GRWD1: variants seen among roughly 807,000 people sequenced by gnomAD.
GRWD1 encodes the protein glutamate rich WD repeat containing 1.
Under a neutral mutation model 45.3 loss-of-function variants are expected in GRWD1, and 29 were observed. The observed-to-expected ratio is 0.64, with a 90% CI of 0.48 to 0.87. The LOEUF is 0.87. Ranked by LOEUF, GRWD1 falls within the 40% of genes least tolerant of loss-of-function variation. GRWD1 has a pLI of 0.00. For missense variants in GRWD1, 592 were observed against 618.8 expected (o/e 0.96, Z 0.46); for synonymous variants, 262 against 257.6 (o/e 1.02, Z -0.16).
chr19:48,451,252 C>G, intron 6 of GRWD1, 21 bp downstream of exon 6: 1 of 1,548,660 alleles, frequency 6.5e-7, no homozygotes, highest in Non-Finnish European at 8.7e-7. Context: ...AGCCGGACAC[C>G]TGGGGGCTAG....
At position 48,452,654 on chromosome 19, in the gene GRWD1, C is replaced by T. The variant is rs1244587222; in HGVS notation, c.1024-54C>T. 3 of 1,460,762 alleles carry T rather than the reference C, an allele frequency of 2.1e-6. No homozygotes were observed. The highest frequency in any genetic ancestry group is 2.8e-6 in the Non-Finnish European group (3 of 1,074,968). The allele number at this position is 1,460,762 out of a possible 1,614,324, so 90.5% of individuals were successfully genotyped here. A position where few individuals can be genotyped will look rare whatever the true frequency, so the allele number is the denominator to read the frequency against. Reference sequence around the variant, plus strand: ...GGTTGGGGCTTCTGCCTGGGTCCTCCCCAGAGTCAGGCTGAGGCATTCAGA... The same window carrying T: ...GGTTGGGGCTTCTGCCTGGGTCCTCTCCAGAGTCAGGCTGAGGCATTCAGA... On this transcript the variant is annotated intron_variant, in intron 6 of 6. Transcript: ENST00000253237. The surrounding 1 kb of genome is among the most constrained non-coding windows in gnomAD (Gnocchi z 5.1).
Position 48,446,166 on chromosome 19 carries a change from A to G in GRWD1, c.161A>G (p.Tyr54Cys), listed in dbSNP as rs1251754873. Residue 54 changes from tyrosine to cysteine, a missense_variant, in exon 1 of 7, where the codon TAT becomes TGT. By Grantham distance (194) the Tyr-to-Cys change is radical. Transcript: ENST00000253237. ...GEELVMDEEA[Y>C]VLYHRAQTGA... is the part of the protein sequence containing the mutation. Reference sequence around the variant, plus strand: ...GAGCTGGTCATGGACGAGGAGGCCTATGTGCTCTACCACCGAGCGCAGACT... The same window carrying G: ...GAGCTGGTCATGGACGAGGAGGCCTGTGTGCTCTACCACCGAGCGCAGACT... 1.2e-6 allele frequency: 2 copies of G among 1,606,024 alleles called. No individual in the cohort carries two copies. The highest frequency in any genetic ancestry group is 8.5e-7 in the Non-Finnish European group (1 of 1,177,840).
rs760867608 is a variant in GRWD1 at position 48,450,828 on chromosome 19, T to G, written c.825+20T>G. 9.3e-5 allele frequency: 150 copies of G among 1,606,942 alleles called. No homozygotes were observed. The highest frequency in any genetic ancestry group is 1.2e-4 in the Non-Finnish European group (142 of 1,176,106). On this transcript the variant is annotated intron_variant, in intron 5 of 6. Transcript: ENST00000253237. The surrounding 1 kb of genome is among the most constrained non-coding windows in gnomAD (Gnocchi z 5.1). ...AACACGGTGAGGGAGGGTGGGGTTC[T>G]GGTCGTTTAGTTCTGATGGATTCTA...
rs931493486 is a variant in GRWD1 at position 48,455,935 on chromosome 19, G to C, written c.*2910G>C. ...TCATCACGAGGCCTCGTACATACCA[G>C]GTGTGTTTGAAACCAGAGTGCTCTT... On this transcript the variant is annotated 3_prime_UTR_variant, in exon 7 of 7. Transcript: ENST00000253237. The C allele has an allele frequency of 6.6e-6, 1 of 152,254 alleles. No individual in the cohort carries two copies. The highest frequency in any genetic ancestry group is 2.4e-5 in the African/African-American group (1 of 41,450). The allele number at this position is 152,254 out of a possible 1,614,324, so 9.4% of individuals were successfully genotyped here. A position where few individuals can be genotyped will look rare whatever the true frequency, so the allele number is the denominator to read the frequency against.
At position 48,452,821 on chromosome 19, in the gene GRWD1, ACAGTGGGACCTGG is replaced by A; in HGVS notation, c.1144_1156del (p.Asp382SerfsTer32). 3 of 1,613,592 alleles carry A rather than the reference ACAGTGGGACCTGG, an allele frequency of 1.9e-6. No homozygotes were observed. Among genetic ancestry groups the A allele is most frequent in the Non-Finnish European group, 2.5e-6 (3 of 1,179,678 alleles). On this transcript the variant is annotated frameshift_variant, in exon 7 of 7. Transcript: ENST00000253237. LOFTEE classifies it high-confidence loss of function. The surrounding 1 kb of genome is among the most constrained non-coding windows in gnomAD (Gnocchi z 5.1). ...CCTCGGGTGCAGACCACCAGATCAC[ACAGTGGGACCTGG>A]CAGTGGAGCGGGACCCTGAGGCGGG...
chr19:48,452,089 C>CTTTTTTTTTTTT lies in GRWD1; in HGVS notation c.1024-613_1024-602dup, dbSNP rs58562169. 1.4e-5 allele frequency among the ~76,000 whole-genome samples: 2 copies of CTTTTTTTTTTTT among 145,956 alleles called. No individual in the cohort carries two copies. Among genetic ancestry groups the CTTTTTTTTTTTT allele is most frequent in the African/African-American group, 2.5e-5 (1 of 39,398 alleles). On this transcript the variant is annotated intron_variant, in intron 6 of 6. Coordinates refer to ENST00000253237, the MANE Select transcript of GRWD1 (RefSeq NM_031485.4). This position sits in a 1 kb window ranked among gnomAD's most constrained non-coding sequence, Gnocchi z 5.1. ...GGGAGAGCCATGCCCTCCTTTTTTT[C>CTTTTTTTTTTTT]TTTTTTTTTTTTTTTTTCTTTTTTT...
intron 3 of GRWD1, among the ~76,000 whole-genome samples, chr19:48,449,411 C>T (rs1971445975): frequency 1.3e-5 from 2 of 152,178 alleles, no homozygotes; most frequent in Non-Finnish European, 1.5e-5. Context: ...AGCATTTTTA[C>T]TGTAGTCAGC....
Position 48,446,668 on chromosome 19 carries a change from C to T in GRWD1, c.306-13C>T, listed in dbSNP as rs1248853858. On this transcript the variant is annotated splice_polypyrimidine_tract_variant and intron_variant, in intron 2 of 6. Coordinates refer to ENST00000253237, the MANE Select transcript of GRWD1 (RefSeq NM_031485.4). Reference sequence around the variant, plus strand: ...GGAATCTAGTGCCTAACTCACCCCACAATTTCTCCCAGACTGATGATGCTT... The same window carrying T: ...GGAATCTAGTGCCTAACTCACCCCATAATTTCTCCCAGACTGATGATGCTT... The T allele has an allele frequency of 2.5e-6, 4 of 1,572,614 alleles. No homozygotes were observed. The highest frequency in any genetic ancestry group is 3.5e-6 in the Non-Finnish European group (4 of 1,158,536).
intron 6 of GRWD1, 145 bp downstream of exon 6, chr19:48,451,376 AGAG>A (rs1971474477): frequency 2.9e-6 from 2 of 698,990 alleles, no homozygotes; most frequent in East Asian, 5.5e-5. Context: ...TTCAGGGTAC[AGAG>A]GAGGAAACTG....
intron 3 of GRWD1, 136 bp downstream of exon 3, chr19:48,446,979 C>T (rs1332368144): frequency 2.5e-6 from 2 of 815,642 alleles, no homozygotes; most frequent in Non-Finnish European, 3.6e-6. Context: ...CTCTGTCACC[C>T]AGGCTGGAGT....
At chr19:48,451,329 C>T (rs1185272762) in intron 6 of GRWD1, 98 bp downstream of exon 6, 1 of 1,096,726 alleles carries the variant, frequency 9.1e-7, no homozygotes, top group South Asian at 1.6e-5. Context: ...TTTACACAAC[C>T]AGAGCTGGAG....
At position 48,450,636 on chromosome 19, in the gene GRWD1, G is replaced by A; in HGVS notation, c.683-30G>A. ...GGGGAGCGAGCTGCGGCCAGGTGGGGCGAGGTCATTTCCTGACTCCCTTCC... is the reference window on the plus strand; with the variant it reads ...GGGGAGCGAGCTGCGGCCAGGTGGGACGAGGTCATTTCCTGACTCCCTTCC... On this transcript the variant is annotated intron_variant, in intron 4 of 6. Transcript: ENST00000253237. This position sits in a 1 kb window ranked among gnomAD's most constrained non-coding sequence, Gnocchi z 5.1. 2 of 1,611,312 alleles carry A rather than the reference G, an allele frequency of 1.2e-6. No homozygotes were observed. The highest frequency in any genetic ancestry group is 1.3e-5 in the African/African-American group (1 of 75,014).
At position 48,446,608 on chromosome 19, in the gene GRWD1, C is replaced by G. The variant is rs2147481642; in HGVS notation, c.306-73C>G. Reference sequence around the variant, plus strand: ...TTCTGCCTCTCGCAGATCCAGGAGTCTGGGTTTCCAGCCTCTCTCCTTCCT... The same window carrying G: ...TTCTGCCTCTCGCAGATCCAGGAGTGTGGGTTTCCAGCCTCTCTCCTTCCT... On this transcript the variant is annotated intron_variant, in intron 2 of 6. Transcript: ENST00000253237. 2.6e-6 allele frequency: 4 copies of G among 1,554,196 alleles called. No homozygotes were observed. The South Asian group carries it at 3.5e-5, about 14-fold the overall frequency.
chr19:48,446,488 C>T lies in GRWD1; in HGVS notation c.291C>T (p.Ser97=), dbSNP rs140240394. 8 of 1,613,880 alleles carry T rather than the reference C, an allele frequency of 5.0e-6. No individual in the cohort carries two copies. Among genetic ancestry groups the T allele is most frequent in the Non-Finnish European group, 5.9e-6 (7 of 1,179,806 alleles). ...LYLCAGTQAE[S]AQSNRLMMLR... ...TGTGTGCTGGGACCCAGGCTGAGAG[C>T]GCCCAGAGCAACAGGTAAGACCCGA... The change falls in exon 2 of 7, where the codon AGC becomes AGT. Residue 97 remains serine, a synonymous_variant. Coordinates refer to ENST00000253237, the MANE Select transcript of GRWD1 (RefSeq NM_031485.4).
chr19:48,450,957 G>C lies in GRWD1; in HGVS notation c.826-77G>C, dbSNP rs1277176758. Reference sequence around the variant, plus strand: ...ATAGTAAGGGGAACAGTGAAAGAGAGAGTAGCCCACCGCTGGCGCTTGGGC... The same window carrying C: ...ATAGTAAGGGGAACAGTGAAAGAGACAGTAGCCCACCGCTGGCGCTTGGGC... On this transcript the variant is annotated intron_variant, in intron 5 of 6. Transcript: ENST00000253237. This position sits in a 1 kb window ranked among gnomAD's most constrained non-coding sequence, Gnocchi z 5.1. 6.5e-7 allele frequency: 1 copy of C among 1,526,988 alleles called. No homozygotes were observed. The highest frequency in any genetic ancestry group is 1.2e-5 in the South Asian group (1 of 84,874). The allele number at this position is 1,526,988 out of a possible 1,614,324, so 94.6% of individuals were successfully genotyped here.
intron 6 of GRWD1, 146 bp downstream of exon 6, chr19:48,451,377 G>A (rs1971474459): frequency 1.4e-6 from 1 of 701,104 alleles, no homozygotes; most frequent in Non-Finnish European, 2.3e-6. Flanking sequence ...TCAGGGTACA[G>A]AGGAGGAAAC....
In GRWD1 at chr19:48,446,016, G is replaced by A. The variant is rs763762231; in HGVS notation, c.11G>A (p.Arg4His). 1.9e-6 allele frequency: 3 copies of A among 1,586,742 alleles called. No individual in the cohort carries two copies. Among genetic ancestry groups the A allele is most frequent in the Non-Finnish European group, 2.6e-6 (3 of 1,168,182 alleles). Residue 4 changes from arginine (R) to histidine (H), a missense_variant, in exon 1 of 7, where the codon CGC becomes CAC. Transcript: ENST00000253237. ...CGAGAGGGTTCGAAGATGGCGGCGC[G>A]CAAGGGTCGGCGGCGCACGTGTGAA... Reference protein sequence around the residue: MAARKGRRRTCETG... With the variant: MAAHKGRRRTCETG...
At chr19:48,448,325 T>C (rs1971434720) in intron 3 of GRWD1, among the ~76,000 whole-genome samples, 1 of 152,220 alleles carries the variant, frequency 6.6e-6, no homozygotes, top group Non-Finnish European at 1.5e-5. Flanking sequence ...ATACGGTATA[T>C]GAAGAGCACT....
In GRWD1 at chr19:48,446,803, T is replaced by TGGCCATGGTGCC. The variant is rs753382877; in HGVS notation, c.429_440dup (p.Ala144_Pro147dup). On this transcript the variant is annotated inframe_insertion, in exon 3 of 7. Transcript: ENST00000253237. ...GAAGAGCGGAAACCTCAGCTGGAGC[T>TGGCCATGGTGCC]GGCCATGGTGCCCCACTATGGTGGC... 3.7e-6 allele frequency: 6 copies of TGGCCATGGTGCC among 1,613,892 alleles called. No individual in the cohort carries two copies. The Admixed American group carries it at 5.0e-5, about 13-fold the overall frequency.
Sources: gnomAD v4.1 joint callset for allele counts (sites outside exome capture counted in the v4.1 genomes callset) on GRCh38, gnomAD v4.1.1 for gene constraint, Gnocchi (gnomAD v3.1) non-coding constraint, MANE v1.5 for transcripts, NCBI Gene and HGNC (gene_info 2026-07-23, HGNC 2026-07-21) for gene names.